The following SYNPR variants were observed in gnomAD, a reference collection of about 807,000 sequenced individuals.
SYNPR encodes the protein synaptoporin.
Under a neutral mutation model 32.9 loss-of-function variants are expected in SYNPR, and 23 were observed. The observed-to-expected ratio is 0.70, with a 90% confidence interval of 0.50 to 0.99. The LOEUF is 0.99. Ranked by LOEUF, SYNPR falls within the 50% of genes least tolerant of loss-of-function variation. The pLI is 0.00. For synonymous variants in SYNPR, 146 were observed against 135.9 expected (o/e 1.07, Z -0.52); for missense variants, 318 against 349.3 (o/e 0.91, Z 0.71).
rs371535522 is a variant in SYNPR, at chr3:63,443,850, T to C, written c.85-36982T>C. 5.1e-4 allele frequency among the ~76,000 whole-genome samples: 78 copies of C among 152,308 alleles called. 2 individuals carry two copies. In the South Asian group the frequency reaches 0.016, roughly 30 times the overall value. ...GCTGCAACCTGCTTACCATTTTAATTAAAGTTTCTTCATCAGTGTCAGAGT... is the reference window on the plus strand; with the variant it reads ...GCTGCAACCTGCTTACCATTTTAATCAAAGTTTCTTCATCAGTGTCAGAGT... On this transcript the variant is annotated intron_variant, in intron 2 of 5. Transcript: ENST00000478300.
intron 1 of SYNPR, among the ~76,000 whole-genome samples, chr3:63,237,236 T>C (rs1178531092): frequency 6.6e-6 from 1 of 152,156 alleles, no homozygotes; most frequent in Non-Finnish European, 1.5e-5. Flanking sequence ...TCTGTTCATA[T>C]TTTTTCAGCC....
chr3:63,381,448 G>T (rs1285724829), intron 2 of SYNPR, among the ~76,000 whole-genome samples: 60 of 152,170 alleles, frequency 3.9e-4, no homozygotes, highest in Non-Finnish European at 1.6e-4. Flanking sequence ...TGGGTAGGAA[G>T]AATCAATATC....
chr3:63,355,276 C>CAAA (rs34592172), intron 2 of SYNPR, among the ~76,000 whole-genome samples: 15 of 93,836 alleles, frequency 1.6e-4, no homozygotes, highest in African/African-American at 5.1e-4. Flanking sequence ...GAGACCCTGT[C>CAAA]AAAAAAAAAA....
At chr3:63,519,553 C>A (rs1701867019) in intron 3 of SYNPR, among the ~76,000 whole-genome samples, 1 of 152,184 alleles carries the variant, frequency 6.6e-6, no homozygotes, top group South Asian at 2.1e-4. Context: ...CCCTCCTTGA[C>A]CCTCAACCAA....
intron 4 of SYNPR, among the ~76,000 whole-genome samples, chr3:63,562,002 A>C (rs1702698914): frequency 6.6e-6 from 1 of 152,226 alleles, no homozygotes; most frequent in South Asian, 2.1e-4. Context: ...ATTGGGCCAA[A>C]GAAATCAGCC....
chr3:63,534,080 G>A (rs1702158653), intron 3 of SYNPR, among the ~76,000 whole-genome samples: 1 of 152,120 alleles, frequency 6.6e-6, no homozygotes, highest in African/African-American at 2.4e-5. Flanking sequence ...TGAAGTTCAA[G>A]TACAACACAT....
intron 2 of SYNPR, among the ~76,000 whole-genome samples, chr3:63,312,128 A>G (rs916969181): frequency 6.6e-6 from 1 of 152,076 alleles, no homozygotes; most frequent in African/African-American, 2.4e-5. Context: ...GTCATAATAA[A>G]TAATTCTAAC....
intron 2 of SYNPR, among the ~76,000 whole-genome samples, chr3:63,367,393 T>A (rs982338233): frequency 6.6e-6 from 1 of 150,702 alleles, no homozygotes; most frequent in Non-Finnish European, 1.5e-5. Context: ...AAGATCTGGC[T>A]CTATCTCCCA....
intron 2 of SYNPR, among the ~76,000 whole-genome samples, chr3:63,387,258 C>CT (rs2088058402): frequency 6.6e-6 from 1 of 152,158 alleles, no homozygotes; most frequent in Admixed American, 6.5e-5. Flanking sequence ...CAATATTTTT[C>CT]TTTCAATCAC....
intron 2 of SYNPR, among the ~76,000 whole-genome samples, chr3:63,457,815 G>A (rs1053342066): frequency 6.6e-6 from 1 of 152,092 alleles, no homozygotes; most frequent in Non-Finnish European, 1.5e-5. Flanking sequence ...CTACTGCTTT[G>A]TCTGAGCTCA....
At chr3:63,419,745 C>A (rs544888736) in intron 2 of SYNPR, among the ~76,000 whole-genome samples, 32 of 152,304 alleles carry the variant, frequency 2.1e-4, no homozygotes, top group Admixed American at 4.6e-4. Context: ...TAAGCACAGA[C>A]TGCAGAAGGT....
chr3:63,290,112 A>T (rs1038923871), intron 2 of SYNPR, among the ~76,000 whole-genome samples: 1 of 149,050 alleles, frequency 6.7e-6, no homozygotes, highest in African/African-American at 2.5e-5. Flanking sequence ...CCTGGGTGAC[A>T]CAGCAAGACT....
intron 3 of SYNPR, among the ~76,000 whole-genome samples, chr3:63,494,586 A>C (rs2106724201): frequency 6.6e-6 from 1 of 151,006 alleles, no homozygotes; most frequent in East Asian, 1.9e-4. Flanking sequence ...TTATCATCAA[A>C]AAAGGCCACT....
intron 4 of SYNPR, among the ~76,000 whole-genome samples, chr3:63,583,729 T>G (rs1205401900): frequency 6.6e-6 from 1 of 152,146 alleles, no homozygotes; most frequent in African/African-American, 2.4e-5. Context: ...TACCAAAGGC[T>G]TTCATCCCCA....
chr3:63,283,918 C>T (rs1281351470), intron 2 of SYNPR, among the ~76,000 whole-genome samples: 4 of 149,684 alleles, frequency 2.7e-5, no homozygotes, highest in Admixed American at 2.7e-4. Flanking sequence ...TCCGGGTTCT[C>T]CTGCCTCAGC....
intron 2 of SYNPR, among the ~76,000 whole-genome samples, chr3:63,344,850 G>T (rs1453185228): frequency 6.6e-6 from 1 of 152,126 alleles, no homozygotes; most frequent in East Asian, 1.9e-4. Context: ...AATGGTGATT[G>T]GTTGGGTTCA....
At chr3:63,266,120 A>G (rs1575580561) in intron 2 of SYNPR, among the ~76,000 whole-genome samples, 1 of 152,252 alleles carries the variant, frequency 6.6e-6, no homozygotes, top group East Asian at 1.9e-4. Flanking sequence ...AATCCAAGTG[A>G]ACAAAATAAT....
chr3:63,462,952 T>A (rs570757462), intron 2 of SYNPR, among the ~76,000 whole-genome samples: 1 of 152,106 alleles, frequency 6.6e-6, no homozygotes, highest in Non-Finnish European at 1.5e-5. Flanking sequence ...GGTGAATGGA[T>A]GTTGGGTTCC....
the SYNPR span, among the ~76,000 whole-genome samples, chr3:63,223,218 T>C: frequency 6.6e-6 from 1 of 151,792 alleles, no homozygotes; most frequent in African/African-American, 2.4e-5. Context: ...ATTACAAAGT[T>C]TACTCTTCTC....
Sources: allele counts gnomAD v4.1 joint callset (sites outside exome capture counted in the v4.1 genomes callset), GRCh38; gene constraint gnomAD v4.1.1; transcripts MANE v1.5; gene names NCBI Gene and HGNC (gene_info 2026-07-23, HGNC 2026-07-21).